The following UBN1 variants were observed in gnomAD, a reference collection of about 807,000 sequenced individuals.
The protein encoded by UBN1 is ubinuclein 1, also known as ubinuclein-1.
A neutral mutation model predicts 108.5 loss-of-function variants in UBN1; 17 were observed. The observed-to-expected ratio is 0.16, with a 90% CI of 0.11 to 0.24. The LOEUF (loss-of-function observed/expected upper bound fraction) is 0.24. Among genes scored for constraint, UBN1 ranks in the 10% least tolerant of loss-of-function variants. The pLI is 1.00. For synonymous variants in UBN1, 726 were observed against 564.2 expected, an observed-to-expected ratio of 1.29 and a Z score of -4.07; for missense variants, 1,595 against 1,394.4, an observed-to-expected ratio of 1.14 and a Z score of -2.29.
At chr16:4,858,751 G>C in intron 4 of UBN1, 88 bp downstream of exon 4, 1 of 1,310,392 alleles carries the variant, frequency 7.6e-7, no homozygotes, top group Non-Finnish European at 1.1e-6. Context: ...TGGGGTCAGA[G>C]CAGTCGTGCC....
At chr16:4,848,850 C>G (rs928090880) in intron 1 of UBN1, among the ~76,000 whole-genome samples, 1 of 152,164 alleles carries the variant, frequency 6.6e-6, no homozygotes, top group Admixed American at 6.5e-5. Context: ...CCTGTAATCC[C>G]AGCATTTTGG....
In UBN1 at chr16:4,880,331, A is replaced by G; in HGVS notation, c.*199A>G. 5.0e-6 allele frequency: 3 copies of G among 599,346 alleles called. No homozygotes were observed. Among genetic ancestry groups the G allele is most frequent in the East Asian group, 5.7e-5 (2 of 34,906 alleles). 37.1% of individuals were successfully genotyped at this position (599,346 alleles called of 1,614,324 possible). A position where few individuals can be genotyped will look rare whatever the true frequency, so the allele number is the denominator to read the frequency against. Reference sequence around the variant, plus strand: ...GGCCCTTGCTGCTCAGGAGGTGCAGACTGCCCCGTGCTCTGGGCCTTGCAG... The same window carrying G: ...GGCCCTTGCTGCTCAGGAGGTGCAGGCTGCCCCGTGCTCTGGGCCTTGCAG... On this transcript the variant is annotated 3_prime_UTR_variant, in exon 18 of 18. Transcript: ENST00000262376.
At chr16:4,871,092 G>C in intron 11 of UBN1, 63 bp from the exon 12 acceptor site, 1 of 1,608,000 alleles carries the variant, frequency 6.2e-7, no homozygotes, top group Non-Finnish European at 8.5e-7. Context: ...GAAAGCACAT[G>C]ATTGGAACCT....
rs370048494 is a variant in UBN1, at chr16:4,876,969, C to G, written c.3123C>G (p.Asn1041Lys). Residue 1041 changes from asparagine (N) to lysine (K), a missense_variant, in exon 16 of 18, where the codon AAC becomes AAG. Transcript: ENST00000262376. ...SPKLSGAMSS[N>K]SLGIITPVPI... ...AGCTGTCTGGGGCCATGAGCTCGAA[C>G]TCCTTGGGAATTATAACCCCTGTCC... 1.2e-6 allele frequency: 2 copies of G among 1,614,126 alleles called. No homozygotes were observed. The highest frequency in any genetic ancestry group is 1.7e-6 in the Non-Finnish European group (2 of 1,180,048).
intron 7 of UBN1, 82 bp downstream of exon 7, chr16:4,861,184 C>T (rs931157893): frequency 4.2e-6 from 6 of 1,434,126 alleles, no homozygotes; most frequent in Non-Finnish European, 5.6e-6. Flanking sequence ...TGAAGCTTGC[C>T]CAGAGAAACT....
At chr16:4,850,507 G>C (rs2086507488) in intron 1 of UBN1, among the ~76,000 whole-genome samples, 1 of 152,272 alleles carries the variant, frequency 6.6e-6, no homozygotes, top group South Asian at 2.1e-4. Flanking sequence ...CCTTCAGCTG[G>C]GATTTATTTC....
At position 4,870,326 on chromosome 16, in the gene UBN1, T is replaced by C; in HGVS notation, c.1296T>C (p.Leu432=). The C allele has an allele frequency of 2.5e-6, 4 of 1,614,154 alleles. No homozygotes were observed. Among genetic ancestry groups the C allele is most frequent in the Non-Finnish European group, 3.4e-6 (4 of 1,180,008 alleles). ...KDALLKRARK[L]HLYEQGGRLK... ...CCCTGCTCAAGCGTGCTCGGAAACT[T>C]CACCTCTATGAACAGGTGGGTGACT... Residue 432 remains leucine (L), a synonymous_variant, in exon 9 of 18, where the codon CTT becomes CTC. Transcript: ENST00000262376.
At chr16:4,853,334 C>T (rs1284478787) in intron 2 of UBN1, among the ~76,000 whole-genome samples, 168 bp downstream of exon 2, 1 of 152,084 alleles carries the variant, frequency 6.6e-6, no homozygotes, top group Non-Finnish European at 1.5e-5. Flanking sequence ...TACCTCTGTG[C>T]GCAAAGGGAG....
At chr16:4,873,365 G>A (rs1011065802) in intron 14 of UBN1, among the ~76,000 whole-genome samples, 2 of 152,126 alleles carry the variant, frequency 1.3e-5, no homozygotes, top group African/African-American at 2.4e-5. Context: ...AGGTGTGAAC[G>A]TGTTACACTG....
At chr16:4,857,391 C>G (rs1449085120) in intron 2 of UBN1, among the ~76,000 whole-genome samples, 1 of 148,970 alleles carries the variant, frequency 6.7e-6, no homozygotes, top group African/African-American at 2.5e-5. Flanking sequence ...GGATTCCTTG[C>G]TCACAAAGCT....
Position 4,880,110 on chromosome 16 carries a change from C to T in UBN1, c.3383C>T (p.Pro1128Leu). The T allele has an allele frequency of 6.2e-7, 1 of 1,614,010 alleles. No individual in the cohort carries two copies. The highest frequency in any genetic ancestry group is 8.5e-7 in the Non-Finnish European group (1 of 1,179,998). The part of the protein sequence containing the change: ...PGASQLHGKG[P>L]AVPRKL Reference sequence around the variant, plus strand: ...GCTTCTCAGCTTCACGGGAAAGGGCCTGCTGTACCACGGAAATTGTGACCG... The same window carrying T: ...GCTTCTCAGCTTCACGGGAAAGGGCTTGCTGTACCACGGAAATTGTGACCG... The change falls in exon 18 of 18, where the codon CCT (proline) becomes CTT (leucine). Residue 1128 changes from proline (P) to leucine (L), a missense_variant. By Grantham distance (98) the Pro-to-Leu change is moderately conservative. Transcript: ENST00000262376.
chr16:4,869,449 A>G (rs1014265758), intron 8 of UBN1, among the ~76,000 whole-genome samples: 1 of 152,270 alleles, frequency 6.6e-6, no homozygotes, highest in African/African-American at 2.4e-5. Context: ...TTGTAAATCC[A>G]GACTGGGAAA....
intron 1 of UBN1, among the ~76,000 whole-genome samples, chr16:4,849,131 C>T (rs973548985): frequency 6.6e-6 from 1 of 152,258 alleles, no homozygotes; most frequent in Middle Eastern, 3.4e-3. Context: ...AAAAAAAAAT[C>T]TCAAATGAAC....
intron 7 of UBN1, among the ~76,000 whole-genome samples, chr16:4,865,142 G>C (rs2087264894): frequency 6.6e-6 from 1 of 151,832 alleles, no homozygotes; most frequent in African/African-American, 2.4e-5. Flanking sequence ...TAGGGGTGAG[G>C]GACCCCATTT....
chr16:4,874,324 C>T lies in UBN1; in HGVS notation c.1914C>T (p.Ser638=). The T allele has an allele frequency of 6.2e-7, 1 of 1,614,180 alleles. No individual in the cohort carries two copies. The highest frequency in any genetic ancestry group is 8.5e-7 in the Non-Finnish European group (1 of 1,180,042). ...QTGGLSIGAS[S]RELPSQASGG... is the part of the protein sequence containing the mutation. ...GAGGCCTGAGTATTGGGGCCTCGAGCAGGGAGCTCCCATCCCAGGCATCGG... is the reference window on the plus strand; with the variant it reads ...GAGGCCTGAGTATTGGGGCCTCGAGTAGGGAGCTCCCATCCCAGGCATCGG... The change falls in exon 15 of 18, where the codon AGC becomes AGT. Residue 638 remains serine, a synonymous_variant. Coordinates refer to ENST00000262376, the MANE Select transcript of UBN1 (RefSeq NM_001079514.3).
rs190079130 is a variant in UBN1, at chr16:4,850,852, T to C, written c.-39-2027T>C. Among the ~76,000 whole-genome samples the C allele has an allele frequency of 3.7e-4, 57 of 152,340 alleles. No individual in the cohort carries two copies. In the South Asian group the frequency reaches 7.9e-3, roughly 21 times the overall value. On this transcript the variant is annotated intron_variant, in intron 1 of 17. Coordinates refer to ENST00000262376, the MANE Select transcript of UBN1 (RefSeq NM_001079514.3). ...TGATTGATTTACAACCAAAATACAG[T>C]GAGTTTTTTTGAAACCTGCCAAAAT...
chr16:4,873,035 A>G lies in UBN1; in HGVS notation c.1762A>G (p.Lys588Glu), dbSNP rs1337261684. 2 of 1,614,212 alleles carry G rather than the reference A, an allele frequency of 1.2e-6. No homozygotes were observed. The highest frequency in any genetic ancestry group is 1.7e-6 in the Non-Finnish European group (2 of 1,180,032). The stretch of plus-strand genomic sequence containing the variant: ...TGTGCTCATTCCTTTGAACAGGGCC[A>G]AGAAGAAAGTTATGGCCCCTTCTAA... ...GHGHLTSILAKKKVMAPSKIK... is the reference protein window; with the variant it reads ...GHGHLTSILAEKKVMAPSKIK... The change falls in exon 14 of 18, where the codon AAG (lysine) becomes GAG (glutamate). Residue 588 changes from lysine (K) to glutamate (E), a missense_variant. Physicochemically the swap from Lys to Glu is moderately conservative, Grantham distance 56. Around this residue, in one of 3 missense-constraint regions of UBN1, gnomAD observed 1,398 missense variants for 1,194.7 expected, o/e 1.17. Coordinates refer to ENST00000262376, the MANE Select transcript of UBN1 (RefSeq NM_001079514.3).
intron 1 of UBN1, among the ~76,000 whole-genome samples, chr16:4,849,073 T>C (rs1208828521): frequency 3.9e-5 from 6 of 151,978 alleles, no homozygotes; most frequent in African/African-American, 1.5e-4. Flanking sequence ...GCACTCCAGC[T>C]AGGCGACAGA....
At chr16:4,858,765 T>C in intron 4 of UBN1, 102 bp downstream of exon 4, 1 of 1,157,608 alleles carries the variant, frequency 8.6e-7, no homozygotes, top group South Asian at 1.3e-5. Context: ...TCGTGCCCTC[T>C]TCCCAGCATG....
Sources: allele counts gnomAD v4.1 joint callset (sites outside exome capture counted in the v4.1 genomes callset), GRCh38; gene constraint gnomAD v4.1.1; regional missense constraint gnomAD v4.1.1; transcripts MANE v1.5; gene names NCBI Gene and HGNC (gene_info 2026-07-23, HGNC 2026-07-21).